Variants in TMEM253 observed in about 807,000 individuals in gnomAD.
The protein encoded by TMEM253 is transmembrane protein C14orf176.
TMEM253 carries 22 observed loss-of-function variants against 20.3 expected under a neutral mutation model. That is an observed-to-expected ratio of 1.08 (90% CI 0.78 to 1.55). TMEM253 has a LOEUF of 1.55. Ranked by LOEUF, TMEM253 falls within the 40% of genes most tolerant of loss-of-function variation. The pLI, the probability that TMEM253 is intolerant of heterozygous loss-of-function variation, is 0.00. For synonymous variants in TMEM253, 92 were observed against 102.6 expected, an observed-to-expected ratio of 0.90 and a Z score of 0.62; for missense variants, 251 against 266.1, an observed-to-expected ratio of 0.94 and a Z score of 0.39.
At chr14:21,100,882 C>T (rs189922989), upstream of TMEM253, among the ~76,000 whole-genome samples, 3 of 152,158 alleles carry the variant, frequency 2.0e-5, no homozygotes, top group East Asian at 5.8e-4. Flanking sequence ...TGATAGTGTC[C>T]ATGGGGATGA....
chr14:21,102,724 A>G, exon 6 of TMEM253: 1 of 1,551,490 alleles, frequency 6.4e-7, no homozygotes. Flanking sequence ...TTGCTGAGCC[A>G]GAGGAAACCA....
chr14:21,101,963 G>A (rs1254332400), exon 3 of TMEM253: 4 of 1,551,534 alleles, frequency 2.6e-6, no homozygotes, highest in Non-Finnish European at 3.5e-6. Context: ...TGCCTCTTGG[G>A]CCTGGAGCCT....
chr14:21,099,671 T>A (rs1566555981), upstream of TMEM253, among the ~76,000 whole-genome samples: 1 of 152,228 alleles, frequency 6.6e-6, no homozygotes, highest in Non-Finnish European at 1.5e-5. Context: ...GTGATGATGA[T>A]CATAGCCACT....
At chr14:21,103,509 T>A (rs1889783555) in exon 7 of TMEM253, 1 of 515,478 alleles carries the variant, frequency 1.9e-6, no homozygotes, top group Non-Finnish European at 3.3e-6. Flanking sequence ...CAGCTTCACA[T>A]TTGCCTCATC....
chr14:21,101,374 G>A (rs1889619558), exon 2 of TMEM253: 2 of 1,551,684 alleles, frequency 1.3e-6, no homozygotes, highest in Admixed American at 3.9e-5. Flanking sequence ...GCAAGAGCAG[G>A]AGAGACACAG....
intron 2 of TMEM253, 61 bp downstream of exon 2, chr14:21,101,512 A>G (rs1889631002): frequency 5.3e-6 from 7 of 1,322,320 alleles, no homozygotes; most frequent in Non-Finnish European, 7.3e-6. Context: ...ATTCAATTCC[A>G]TCCATCCATC....
At chr14:21,101,386 C>T in exon 2 of TMEM253, 1 of 1,551,676 alleles carries the variant, frequency 6.4e-7, no homozygotes, top group Non-Finnish European at 8.7e-7. Context: ...GAGACACAGC[C>T]TTCGTCTGGA....
At chr14:21,101,543 C>CT (rs1230685672) in intron 2 of TMEM253, 92 bp downstream of exon 2, 8 of 1,198,536 alleles carry the variant, frequency 6.7e-6, no homozygotes, top group Admixed American at 2.3e-5. Flanking sequence ...AAGTGAGCAC[C>CT]TACCATGTGC....
chr14:21,103,410 C>T, exon 7 of TMEM253: 1 of 1,284,502 alleles, frequency 7.8e-7, no homozygotes, highest in East Asian at 2.5e-5. Flanking sequence ...GGAAGATACA[C>T]CTGGACGAGA....
At chr14:21,102,377 G>A in intron 4 of TMEM253, 28 bp from the exon 5 acceptor site, 1 of 1,550,720 alleles carries the variant, frequency 6.4e-7, no homozygotes, top group Non-Finnish European at 8.7e-7. Context: ...CCCCTAGGCT[G>A]GGCAGGGCTG....
upstream of TMEM253, among the ~76,000 whole-genome samples, chr14:21,100,230 G>T (rs976984973): frequency 1.3e-5 from 2 of 152,084 alleles, no homozygotes; most frequent in African/African-American, 4.8e-5. Flanking sequence ...GCCAGGCATG[G>T]TGGCATGTGC....
At chr14:21,102,483 G>A (rs577258726) in exon 5 of TMEM253, 1 of 1,551,722 alleles carries the variant, frequency 6.4e-7, no homozygotes, top group African/African-American at 1.4e-5. Context: ...GATGAAGACA[G>A]CCTTGGGGCC....
chr14:21,100,484 T>C (rs780640249), upstream of TMEM253, among the ~76,000 whole-genome samples: 2 of 152,102 alleles, frequency 1.3e-5, no homozygotes, highest in Non-Finnish European at 1.5e-5. Context: ...TCAAAAATAT[T>C]AATTGTTGCA....
exon 7 of TMEM253, chr14:21,103,422 T>C (rs115088850): frequency 2.5e-6 from 3 of 1,199,074 alleles, no homozygotes; most frequent in African/African-American, 3.1e-5. Flanking sequence ...TGGACGAGAA[T>C]ATATCCTCAC....
In TMEM253 at chr14:21,103,417, G is replaced by T. The variant is rs1472477097; in HGVS notation, c.*159G>T. The T allele has an allele frequency of 4.1e-6, 5 of 1,232,668 alleles. No homozygotes were observed. In the South Asian group the frequency reaches 7.9e-5, roughly 20 times the overall value. The allele number at this position is 1,232,668 out of a possible 1,614,324, so 76.4% of individuals were successfully genotyped here. On this transcript the variant is annotated 3_prime_UTR_variant, in exon 7 of 7. Transcript: ENST00000556585. ...CTGTTAGGGGAAGATACACCTGGAC[G>T]AGAATATATCCTCACCTCACCACCC...
exon 7 of TMEM253, chr14:21,103,324 G>C (rs953790888): frequency 1.5e-5 from 23 of 1,508,154 alleles, no homozygotes; most frequent in Non-Finnish European, 2.0e-5. Flanking sequence ...GGGATCCTTC[G>C]AGTCCAATAG....
exon 7 of TMEM253, chr14:21,103,385 T>A: frequency 7.1e-7 from 1 of 1,415,904 alleles, no homozygotes; most frequent in Non-Finnish European, 9.3e-7. Flanking sequence ...CTTTTTTCGT[T>A]CCTTCCCTGT....
At chr14:21,099,540 G>A (rs1443436286), upstream of TMEM253, among the ~76,000 whole-genome samples, 2 of 152,222 alleles carry the variant, frequency 1.3e-5, no homozygotes, top group Non-Finnish European at 2.9e-5. Context: ...CAGCACTGAT[G>A]GGGCAGGAGT....
At chr14:21,101,315 A>G in exon 2 of TMEM253, 1 of 1,548,302 alleles carries the variant, frequency 6.5e-7, no homozygotes, top group Non-Finnish European at 8.7e-7. Flanking sequence ...CAGCCTAGGA[A>G]GCACCTAATT....
Sources: gnomAD v4.1 joint callset for allele counts (sites outside exome capture counted in the v4.1 genomes callset) on GRCh38, gnomAD v4.1.1 for gene constraint, MANE v1.5 for transcripts, NCBI Gene and HGNC (gene_info 2026-07-23, HGNC 2026-07-21) for gene names.